The following MAPK9 variants were observed in gnomAD, a reference collection of about 807,000 sequenced individuals.
MAPK9 encodes mitogen-activated protein kinase 9, also known as Jun kinase.
MAPK9 carries 30 observed loss-of-function variants against 57.1 expected under a neutral mutation model. That is an observed-to-expected ratio of 0.53 (90% CI 0.39 to 0.71). MAPK9 has a LOEUF of 0.71. MAPK9 is among the 30% of genes least tolerant of loss of function. The pLI is 0.00. For missense variants in MAPK9, 362 were observed against 521.0 expected, an observed-to-expected ratio of 0.69 and a Z score of 2.97; for synonymous variants, 155 against 177.0, an observed-to-expected ratio of 0.88 and a Z score of 0.99.
At chr5:180,256,228 C>T (rs1451172287) in intron 5 of MAPK9, among the ~76,000 whole-genome samples, 1 of 152,166 alleles carries the variant, frequency 6.6e-6, no homozygotes, top group Non-Finnish European at 1.5e-5. Context: ...ATGGGCAAAA[C>T]TTTATCTTTC....
At chr5:180,252,034 C>T (rs1270014703) in intron 5 of MAPK9, among the ~76,000 whole-genome samples, 1 of 152,174 alleles carries the variant, frequency 6.6e-6, no homozygotes, top group Non-Finnish European at 1.5e-5. Flanking sequence ...TAAGTAGACA[C>T]TGAAACCCGA....
chr5:180,237,628 T>A (rs1374397035), intron 11 of MAPK9: 1 of 152,258 alleles, frequency 6.6e-6, no homozygotes, highest in Non-Finnish European at 1.5e-5. Flanking sequence ...GGCTTTAAAT[T>A]CAATTTCTTC....
At chr5:180,243,284 T>C (rs1336932600) in intron 7 of MAPK9, among the ~76,000 whole-genome samples, 3 of 152,200 alleles carry the variant, frequency 2.0e-5, no homozygotes, top group Non-Finnish European at 4.4e-5. Flanking sequence ...TACTTGGAAC[T>C]GACTCTTCCC....
intron 5 of MAPK9, among the ~76,000 whole-genome samples, chr5:180,258,522 G>A (rs78618489): frequency 1.3e-5 from 2 of 152,086 alleles, no homozygotes; most frequent in African/African-American, 4.8e-5. Context: ...CCCGCTCCAT[G>A]TGAAGACATC....
intron 1 of MAPK9, among the ~76,000 whole-genome samples, chr5:180,281,286 C>T (rs1373943710): frequency 1.3e-5 from 2 of 152,230 alleles, no homozygotes; most frequent in Non-Finnish European, 2.9e-5. Flanking sequence ...TCTGCTGTGA[C>T]TGACAGTCCA....
At position 180,289,477 on chromosome 5, in the gene MAPK9, T is replaced by C. The variant is rs548346970; in HGVS notation, c.-48+2371A>G. On this transcript the variant is annotated intron_variant, in intron 1 of 11. Coordinates refer to ENST00000452135, the MANE Select transcript of MAPK9 (RefSeq NM_002752.5). ...TTGGTGGTCATTCTTCCAGAACAAG[T>C]TAAAAGCCAAAAGAGAATACTCAGA... 5.9e-5 allele frequency among the ~76,000 whole-genome samples: 9 copies of C among 152,184 alleles called. No homozygotes were observed. In the East Asian group the frequency reaches 1.2e-3, roughly 20 times the overall value.
chr5:180,252,495 C>T (rs1758816842), intron 5 of MAPK9, among the ~76,000 whole-genome samples: 1 of 152,146 alleles, frequency 6.6e-6, no homozygotes, highest in South Asian at 2.1e-4. Flanking sequence ...CCATGGTGGC[C>T]CTAGTCTCCT....
chr5:180,245,152 T>A (rs902282079), intron 7 of MAPK9, among the ~76,000 whole-genome samples: 1 of 152,226 alleles, frequency 6.6e-6, no homozygotes, highest in Non-Finnish European at 1.5e-5. Flanking sequence ...GACAGACGGA[T>A]GACACCCACT....
intron 5 of MAPK9, among the ~76,000 whole-genome samples, chr5:180,255,183 G>C (rs113880909): frequency 6.6e-6 from 1 of 152,114 alleles, no homozygotes; most frequent in South Asian, 2.1e-4. Flanking sequence ...TCATGTGAGA[G>C]GGCAGAATAA....
intron 1 of MAPK9, among the ~76,000 whole-genome samples, chr5:180,281,212 T>G (rs1762288757): frequency 1.3e-5 from 2 of 152,356 alleles, no homozygotes; most frequent in Middle Eastern, 3.4e-3. Context: ...TGGCATCAGC[T>G]GGCACAGCCC....
intron 8 of MAPK9, 113 bp from the exon 9 acceptor site, chr5:180,241,268 A>C: frequency 8.4e-7 from 1 of 1,184,770 alleles, no homozygotes; most frequent in Non-Finnish European, 1.2e-6. Flanking sequence ...TAATTTTGAG[A>C]AATGTTTGAT....
intron 5 of MAPK9, among the ~76,000 whole-genome samples, chr5:180,255,618 C>T (rs1363900492): frequency 6.6e-6 from 1 of 151,908 alleles, no homozygotes; most frequent in Non-Finnish European, 1.5e-5. Flanking sequence ...CTCCAGGGAA[C>T]AAAAGGTGAA....
intron 5 of MAPK9, among the ~76,000 whole-genome samples, chr5:180,255,419 ACAGGGCTGAG>A (rs1220675825): frequency 6.6e-6 from 1 of 152,110 alleles, no homozygotes; most frequent in Non-Finnish European, 1.5e-5. Context: ...GCAAAGGGGA[ACAGGGCTGAG>A]GCTTGGGAGA....
intron 2 of MAPK9, among the ~76,000 whole-genome samples, chr5:180,274,440 T>C (rs1181610042): frequency 1.3e-5 from 2 of 152,188 alleles, no homozygotes; most frequent in Non-Finnish European, 2.9e-5. Flanking sequence ...GATGTGAGTA[T>C]GGGAAGGACT....
chr5:180,242,545 C>T (rs750719247), intron 8 of MAPK9, 28 bp downstream of exon 8: 1 of 1,581,158 alleles, frequency 6.3e-7, no homozygotes, highest in Admixed American at 1.7e-5. Context: ...TTACAAAACA[C>T]AAGTATAAGA....
At chr5:180,266,951 A>G (rs1242928703) in intron 3 of MAPK9, among the ~76,000 whole-genome samples, 3 of 152,218 alleles carry the variant, frequency 2.0e-5, no homozygotes, top group South Asian at 2.1e-4. Context: ...AATCTATCCA[A>G]CAACAGGCGG....
Position 180,265,346 on chromosome 5 carries a change from C to T in MAPK9, c.253-507G>A, listed in dbSNP as rs973060298. Among the ~76,000 whole-genome samples, 63 of 152,162 alleles carry T rather than the reference C, an allele frequency of 4.1e-4. 1 individual carries two copies. Among genetic ancestry groups the T allele is most frequent in the African/African-American group, 1.4e-3 (56 of 41,430 alleles). ...GATTTGGCTGTGTCCCCACCCAAATCTCATCTTGAATTGTAATCCCCATAA... is the reference window on the plus strand; with the variant it reads ...GATTTGGCTGTGTCCCCACCCAAATTTCATCTTGAATTGTAATCCCCATAA... On this transcript the variant is annotated intron_variant, in intron 3 of 11. Coordinates refer to ENST00000452135, the MANE Select transcript of MAPK9 (RefSeq NM_002752.5).
intron 2 of MAPK9, chr5:180,279,839 TGC>T: frequency 4.4e-6 from 2 of 456,574 alleles, no homozygotes; most frequent in Non-Finnish European, 8.8e-6. Flanking sequence ...CGTCTTACCA[TGC>T]AAGAGACTAA....
rs758917668 is a variant in MAPK9 at position 180,269,266 on chromosome 5, C to CA, written c.252+13dup. 3.4e-5 allele frequency: 55 copies of CA among 1,611,210 alleles called. No homozygotes were observed. Among genetic ancestry groups the CA allele is most frequent in the Non-Finnish European group, 4.5e-5 (53 of 1,177,724 alleles). On this transcript the variant is annotated intron_variant, in intron 3 of 11. Coordinates refer to ENST00000452135, the MANE Select transcript of MAPK9 (RefSeq NM_002752.5). The stretch of plus-strand genomic sequence containing the variant: ...AATATGGAAGCACACAGACAAAATA[C>CA]ATACATAACTTACATTTTTATGATT...
Sources: gnomAD v4.1 joint callset for allele counts (sites outside exome capture counted in the v4.1 genomes callset) on GRCh38, gnomAD v4.1.1 for gene constraint, MANE v1.5 for transcripts, NCBI Gene and HGNC (gene_info 2026-07-23, HGNC 2026-07-21) for gene names.